LGSN: variants seen among roughly 807,000 people sequenced by gnomAD.
LGSN encodes lengsin.
LGSN carries 21 observed loss-of-function variants against 19.5 expected under a neutral mutation model. The observed-to-expected ratio is 1.07, with a 90% confidence interval of 0.76 to 1.55. The LOEUF is 1.55. LGSN is among the 40% of genes most tolerant of loss of function. The pLI is 0.00. For missense variants in LGSN, 673 were observed against 608.5 expected (o/e 1.11, Z -1.12); for synonymous variants, 257 against 215.6 (o/e 1.19, Z -1.68).
chr6:63,516,065 A>G, the LGSN span, among the ~76,000 whole-genome samples: 1 of 152,140 alleles, frequency 6.6e-6, no homozygotes, highest in African/African-American at 2.4e-5. Flanking sequence ...TATTGGCTCT[A>G]TTGAAAACTG....
the LGSN span, among the ~76,000 whole-genome samples, chr6:63,544,115 G>T: frequency 6.6e-6 from 1 of 152,166 alleles, no homozygotes; most frequent in South Asian, 2.1e-4. Flanking sequence ...ACTTACAATT[G>T]TGGGGAGTAA....
the LGSN span, among the ~76,000 whole-genome samples, chr6:63,419,581 C>G: frequency 2.0e-5 from 3 of 152,042 alleles, no homozygotes; most frequent in African/African-American, 7.2e-5. Context: ...TTGCTGCACT[C>G]TGCCTTAAGT....
the LGSN span, among the ~76,000 whole-genome samples, chr6:63,437,027 G>T: frequency 1.4e-5 from 2 of 144,902 alleles, no homozygotes; most frequent in Non-Finnish European, 1.5e-5. Context: ...ACAGAGCAAG[G>T]CTCTGTCAAA....
At chr6:63,422,714 A>G in the LGSN span, among the ~76,000 whole-genome samples, 1 of 151,840 alleles carries the variant, frequency 6.6e-6, no homozygotes, top group African/African-American at 2.4e-5. Context: ...AAATAAAAAT[A>G]AGAAATAAAT....
At chr6:63,520,823 A>T in the LGSN span, among the ~76,000 whole-genome samples, 1 of 152,074 alleles carries the variant, frequency 6.6e-6, no homozygotes, top group South Asian at 2.1e-4. Context: ...TGGTAAAGAG[A>T]TCATTTATTA....
chr6:63,346,011 T>G, the LGSN span, among the ~76,000 whole-genome samples: 1 of 152,236 alleles, frequency 6.6e-6, no homozygotes, highest in East Asian at 1.9e-4. Context: ...TACCAAAAAT[T>G]TAAAGTATAC....
chr6:63,323,680 AT>A (rs532847937), upstream of LGSN, among the ~76,000 whole-genome samples: 5 of 150,042 alleles, frequency 3.3e-5, no homozygotes, highest in African/African-American at 1.2e-4. Flanking sequence ...CATAAATAGC[AT>A]TTTTTATAGA....
chr6:63,507,468 C>A, the LGSN span, among the ~76,000 whole-genome samples: 2 of 151,910 alleles, frequency 1.3e-5, no homozygotes, highest in Non-Finnish European at 2.9e-5. Context: ...TAATGATACA[C>A]CCATCCAAAC....
chr6:63,549,129 C>T, the LGSN span: 2 of 686,834 alleles, frequency 2.9e-6, no homozygotes, highest in Admixed American at 4.4e-5. Flanking sequence ...AGTGGGGATG[C>T]CCCCTTTGCC....
chr6:63,357,100 C>T, the LGSN span, among the ~76,000 whole-genome samples: 9 of 151,024 alleles, frequency 6.0e-5, no homozygotes, highest in Middle Eastern at 3.4e-3. Flanking sequence ...TTTGTCCTTG[C>T]GATAGTTTGC....
At chr6:63,454,930 T>A in the LGSN span, among the ~76,000 whole-genome samples, 1 of 151,360 alleles carries the variant, frequency 6.6e-6, no homozygotes, top group African/African-American at 2.4e-5. Context: ...GTAGCTGGGA[T>A]TACAGGCACC....
At chr6:63,351,334 A>G in the LGSN span, among the ~76,000 whole-genome samples, 1 of 152,214 alleles carries the variant, frequency 6.6e-6, no homozygotes, top group African/African-American at 2.4e-5. Flanking sequence ...TTAAGACAAA[A>G]GGAAGGAAAA....
At chr6:63,450,276 C>T in the LGSN span, among the ~76,000 whole-genome samples, 219 of 151,094 alleles carry the variant, frequency 1.4e-3, 2 homozygotes, top group African/African-American at 5.1e-3. Context: ...GCAGGAGAAT[C>T]GCTTGAACCT....
chr6:63,473,151 C>A, the LGSN span, among the ~76,000 whole-genome samples: 1 of 151,672 alleles, frequency 6.6e-6, no homozygotes, highest in Non-Finnish European at 1.5e-5. Flanking sequence ...CAATTCAGGG[C>A]AGATCCCAGG....
chr6:63,345,239 T>C, the LGSN span, among the ~76,000 whole-genome samples: 3 of 152,228 alleles, frequency 2.0e-5, no homozygotes, highest in Non-Finnish European at 2.9e-5. Context: ...CTTTGTTTCC[T>C]CTTTAACAGA....
the LGSN span, among the ~76,000 whole-genome samples, chr6:63,475,873 T>C: frequency 2.0e-5 from 3 of 152,144 alleles, no homozygotes; most frequent in Non-Finnish European, 2.9e-5. Flanking sequence ...CTGGGACTGC[T>C]GAAATTCTGG....
chr6:63,547,117 A>G, the LGSN span, among the ~76,000 whole-genome samples: 2 of 152,022 alleles, frequency 1.3e-5, no homozygotes, highest in African/African-American at 4.8e-5. Flanking sequence ...CTACTCAGAT[A>G]TAATAAGATT....
At chr6:63,341,430 A>T in the LGSN span, among the ~76,000 whole-genome samples, 1 of 152,160 alleles carries the variant, frequency 6.6e-6, no homozygotes, top group Non-Finnish European at 1.5e-5. Flanking sequence ...GGTCTTCAGG[A>T]TGCCTGAAAG....
chr6:63,499,667 T>C, the LGSN span, among the ~76,000 whole-genome samples: 1 of 152,118 alleles, frequency 6.6e-6, no homozygotes, highest in African/African-American at 2.4e-5. Flanking sequence ...GGTTTTTCTC[T>C]GTACATCACC....
Sources: gnomAD v4.1 joint callset for allele counts (sites outside exome capture counted in the v4.1 genomes callset) on GRCh38, gnomAD v4.1.1 for gene constraint, MANE v1.5 for transcripts, NCBI Gene and HGNC (gene_info 2026-07-23, HGNC 2026-07-21) for gene names.